Variants in FAM135A observed in about 807,000 individuals in gnomAD.
FAM135A encodes protein FAM135A.
A neutral mutation model predicts 146.8 loss-of-function variants in FAM135A; 79 were observed. The ratio of observed to expected loss-of-function variants is 0.54; its 90% CI spans 0.45 to 0.65. The LOEUF (loss-of-function observed/expected upper bound fraction) is 0.65, where lower values mean the gene tolerates loss of function less well. Ranked by LOEUF, FAM135A falls within the 30% of genes least tolerant of loss-of-function variation. The pLI, the probability that FAM135A is intolerant of heterozygous loss-of-function variation, is 0.00. For synonymous variants in FAM135A, 562 were observed against 603.6 expected, an observed-to-expected ratio of 0.93 and a Z score of 1.01; for missense variants, 1,623 against 1,758.2, an observed-to-expected ratio of 0.92 and a Z score of 1.38.
At chr6:70,427,119 T>C (rs572863796) in intron 3 of FAM135A, among the ~76,000 whole-genome samples, 2 of 152,316 alleles carry the variant, frequency 1.3e-5, no homozygotes, top group East Asian at 3.9e-4. Flanking sequence ...ATTCTTTAAA[T>C]ATGTACTGTT....
intron 20 of FAM135A, among the ~76,000 whole-genome samples, chr6:70,548,536 C>G (rs2128474655): frequency 6.6e-6 from 1 of 152,264 alleles, no homozygotes; most frequent in Non-Finnish European, 1.5e-5. Context: ...CATGAGGAGC[C>G]ATAGACACCC....
intron 21 of FAM135A, chr6:70,557,523 G>T (rs552145615): frequency 6.6e-6 from 1 of 151,702 alleles, no homozygotes; most frequent in Non-Finnish European, 1.5e-5. Flanking sequence ...GTGAAACCCC[G>T]TCTCTACTAA....
rs761430248 is a variant in FAM135A at position 70,482,171 on chromosome 6, G to A, written c.823+17G>A. 1.2e-5 allele frequency: 19 copies of A among 1,611,620 alleles called. No homozygotes were observed. Among genetic ancestry groups the A allele is most frequent in the South Asian group, 3.3e-5 (3 of 90,934 alleles). On this transcript the variant is annotated intron_variant, in intron 10 of 21. Coordinates refer to ENST00000418814, the MANE Select transcript of FAM135A (RefSeq NM_001162529.3). Reference sequence around the variant, plus strand: ...TAGAACTGGGTATGTTAAAAGTAGCGAGACTTATTCTACAGTTCAAATCAT... The same window carrying A: ...TAGAACTGGGTATGTTAAAAGTAGCAAGACTTATTCTACAGTTCAAATCAT...
chr6:70,476,065 T>C (rs1782583691), intron 7 of FAM135A, among the ~76,000 whole-genome samples: 1 of 152,218 alleles, frequency 6.6e-6, no homozygotes, highest in South Asian at 2.1e-4. Flanking sequence ...TAATCTTTCT[T>C]GATGGCATCA....
chr6:70,450,713 G>GTTTTTTTTTTTT (rs1192559967), intron 4 of FAM135A, among the ~76,000 whole-genome samples: 5 of 29,780 alleles, frequency 1.7e-4, no homozygotes, highest in Non-Finnish European at 2.9e-4. Flanking sequence ...GACCCTTTTA[G>GTTTTTTTTTTTT]TTGTTTTTTT....
chr6:70,536,697 T>C (rs1281112026), intron 19 of FAM135A, among the ~76,000 whole-genome samples: 1 of 152,134 alleles, frequency 6.6e-6, no homozygotes, highest in East Asian at 1.9e-4. Context: ...TTTTATCTTA[T>C]AAACAGTTTT....
intron 4 of FAM135A, among the ~76,000 whole-genome samples, chr6:70,436,010 C>T (rs1221257396): frequency 6.6e-6 from 1 of 151,932 alleles, no homozygotes; most frequent in East Asian, 1.9e-4. Context: ...ATGGTGAAAC[C>T]CTGTCTCTAC....
chr6:70,453,188 C>T (rs1003684705), intron 5 of FAM135A, among the ~76,000 whole-genome samples: 4 of 151,972 alleles, frequency 2.6e-5, no homozygotes, highest in African/African-American at 4.8e-5. Flanking sequence ...AGAAAATGAA[C>T]CAGTTAATGA....
chr6:70,533,190 C>G lies in FAM135A; in HGVS notation c.3806C>G (p.Thr1269Ser), dbSNP rs1161474015. 1.2e-6 allele frequency: 2 copies of G among 1,612,730 alleles called. No homozygotes were observed. Among genetic ancestry groups the G allele is most frequent in the Non-Finnish European group, 1.7e-6 (2 of 1,179,358 alleles). Residue 1269 changes from threonine (T) to serine (S), a missense_variant, in exon 17 of 22, where the codon ACT (threonine) becomes AGT (serine). This residue lies in a region of FAM135A where 1,061 missense variants were observed against 1,113.8 expected (regional missense o/e 0.95). Coordinates refer to ENST00000418814, the MANE Select transcript of FAM135A (RefSeq NM_001162529.3). ...GNSADLRLVK[T>S]YIELGLPGGR... Reference sequence around the variant, plus strand: ...AGTGCAGATCTCCGATTAGTAAAAACTTACATTGAACTTGGATTGCCTGGG... The same window carrying G: ...AGTGCAGATCTCCGATTAGTAAAAAGTTACATTGAACTTGGATTGCCTGGG...
At chr6:70,536,633 T>A (rs1796836846) in intron 19 of FAM135A, among the ~76,000 whole-genome samples, 1 of 152,170 alleles carries the variant, frequency 6.6e-6, no homozygotes, top group African/African-American at 2.4e-5. Context: ...TTGTCAAAAT[T>A]CACAAGAGCA....
At chr6:70,516,365 G>GA (rs1462189786) in intron 12 of FAM135A, among the ~76,000 whole-genome samples, 2 of 152,010 alleles carry the variant, frequency 1.3e-5, no homozygotes, top group African/African-American at 4.8e-5. Flanking sequence ...TCTGCCTGTA[G>GA]AAGGAGCATG....
chr6:70,436,483 T>A (rs1467895698), intron 4 of FAM135A, among the ~76,000 whole-genome samples: 1 of 152,212 alleles, frequency 6.6e-6, no homozygotes, highest in Non-Finnish European at 1.5e-5. Flanking sequence ...ACTCATTTTT[T>A]AATCTGTGCT....
At chr6:70,519,743 G>A (rs1422904084) in intron 12 of FAM135A, among the ~76,000 whole-genome samples, 1 of 152,074 alleles carries the variant, frequency 6.6e-6, no homozygotes, top group African/African-American at 2.4e-5. Context: ...ACACTTAAGA[G>A]ACTACAGTAT....
intron 12 of FAM135A, among the ~76,000 whole-genome samples, chr6:70,512,954 T>G (rs993091132): frequency 1.5e-4 from 23 of 151,830 alleles, no homozygotes; most frequent in African/African-American, 4.8e-4. Context: ...ATTTTTTAAT[T>G]TGGTGTGAGG....
intron 11 of FAM135A, among the ~76,000 whole-genome samples, chr6:70,494,367 C>T (rs895273151): frequency 1.3e-5 from 2 of 151,750 alleles, no homozygotes; most frequent in African/African-American, 4.8e-5. Context: ...CAGTGGCACA[C>T]AATTGTAGTC....
At chr6:70,489,324 A>G (rs1459312784) in intron 10 of FAM135A, among the ~76,000 whole-genome samples, 1 of 152,192 alleles carries the variant, frequency 6.6e-6, no homozygotes, top group Admixed American at 6.5e-5. Context: ...AATCATTGCA[A>G]ATTTCTTTAG....
chr6:70,458,428 G>A (rs1476042943), intron 5 of FAM135A, among the ~76,000 whole-genome samples: 1 of 151,862 alleles, frequency 6.6e-6, no homozygotes, highest in Non-Finnish European at 1.5e-5. Flanking sequence ...TCTTGTTTGT[G>A]GTTTGCAAAG....
chr6:70,484,357 A>G (rs1051155223), intron 10 of FAM135A, among the ~76,000 whole-genome samples: 2 of 152,206 alleles, frequency 1.3e-5, no homozygotes, highest in African/African-American at 4.8e-5. Flanking sequence ...ACAAAGAAAA[A>G]CATATGAACC....
chr6:70,488,914 A>G (rs1052127415), intron 10 of FAM135A, among the ~76,000 whole-genome samples: 2 of 152,064 alleles, frequency 1.3e-5, no homozygotes, highest in African/African-American at 4.8e-5. Context: ...AGGATTTTAA[A>G]CTCCCTTAAA....
Sources: allele counts gnomAD v4.1 joint callset (sites outside exome capture counted in the v4.1 genomes callset), GRCh38; gene constraint gnomAD v4.1.1; regional missense constraint gnomAD v4.1.1; transcripts MANE v1.5; gene names NCBI Gene and HGNC (gene_info 2026-07-23, HGNC 2026-07-21).